Variants in RIMS2 observed in about 807,000 individuals in gnomAD.
The protein encoded by RIMS2 is regulating synaptic membrane exocytosis protein 2.
A neutral mutation model predicts 174.4 loss-of-function variants in RIMS2; 59 were observed. That is an observed-to-expected ratio of 0.34 (90% CI 0.27 to 0.42). RIMS2 has a LOEUF of 0.42. Among genes scored for constraint, RIMS2 ranks in the 10% least tolerant of loss-of-function variants. The pLI, the probability that RIMS2 is intolerant of heterozygous loss-of-function variation, is 1.00. For synonymous variants in RIMS2, 606 were observed against 572.5 expected (o/e 1.06, Z -0.84); for missense variants, 1,620 against 1,666.3 (o/e 0.97, Z 0.48).
chr8:104,093,675 A>C lies in RIMS2; in HGVS notation c.3334+79060A>C, dbSNP rs75585848. On this transcript the variant is annotated intron_variant, in intron 19 of 23. Transcript: ENST00000504942. ...GGATTTCAACAACAAACTTCTCTAAATATGTTTTAGAAGGTCTTTATGTTT... is the reference window on the plus strand; with the variant it reads ...GGATTTCAACAACAAACTTCTCTAACTATGTTTTAGAAGGTCTTTATGTTT... 1.4e-3 allele frequency: 2,227 copies of C among 1,540,004 alleles called. 41 individuals are homozygous for C. In the African/African-American group the frequency reaches 0.027, roughly 19 times the overall value.
At chr8:104,153,010 C>T (rs909459979) in intron 19 of RIMS2, among the ~76,000 whole-genome samples, 3 of 152,024 alleles carry the variant, frequency 2.0e-5, no homozygotes, top group South Asian at 4.1e-4. Flanking sequence ...CTCAGCAAAA[C>T]GGGGTCTTCC....
chr8:103,636,604 TTCATTC>T (rs538943494), intron 1 of RIMS2, among the ~76,000 whole-genome samples: 196 of 152,290 alleles, frequency 1.3e-3, no homozygotes, highest in African/African-American at 4.4e-3. Context: ...CTTGCTTTTC[TTCATTC>T]TCTTTGGGTC....
At chr8:103,963,354 C>T (rs2090791379) in intron 15 of RIMS2, among the ~76,000 whole-genome samples, 1 of 152,234 alleles carries the variant, frequency 6.6e-6, no homozygotes, top group East Asian at 1.9e-4. Context: ...GCAGAGATTT[C>T]TTTCCAATTG....
At chr8:103,831,370 C>T (rs1013405370) in intron 3 of RIMS2, among the ~76,000 whole-genome samples, 7 of 152,062 alleles carry the variant, frequency 4.6e-5, no homozygotes, top group Admixed American at 6.6e-5. Flanking sequence ...TTTCTTTCTG[C>T]GTGGCTAATA....
At chr8:104,191,757 C>A (rs968964574) in intron 19 of RIMS2, among the ~76,000 whole-genome samples, 1 of 151,898 alleles carries the variant, frequency 6.6e-6, no homozygotes, top group Non-Finnish European at 1.5e-5. Flanking sequence ...GAGCAAAATT[C>A]TTTTATTATT....
At chr8:103,642,755 C>T (rs1053190025) in intron 1 of RIMS2, among the ~76,000 whole-genome samples, 1 of 151,484 alleles carries the variant, frequency 6.6e-6, no homozygotes, top group South Asian at 2.1e-4. Flanking sequence ...CTACCTTTTT[C>T]TTTTTTTTAT....
intron 1 of RIMS2, among the ~76,000 whole-genome samples, chr8:103,598,200 C>T (rs544726692): frequency 6.6e-6 from 1 of 152,226 alleles, no homozygotes; most frequent in African/African-American, 2.4e-5. Context: ...TAAATTCCAT[C>T]ACAACTTTTG....
intron 17 of RIMS2, among the ~76,000 whole-genome samples, chr8:103,999,052 T>A (rs183681516): frequency 3.4e-4 from 51 of 151,808 alleles, no homozygotes; most frequent in African/African-American, 1.2e-3. Flanking sequence ...ACATTTGAGA[T>A]CCTTTAGGTA....
intron 3 of RIMS2, among the ~76,000 whole-genome samples, chr8:103,848,735 G>A (rs2098981271): frequency 6.6e-6 from 1 of 151,994 alleles, no homozygotes; most frequent in Non-Finnish European, 1.5e-5. Flanking sequence ...TGGACCAATT[G>A]CGAATCTCTG....
intron 1 of RIMS2, among the ~76,000 whole-genome samples, chr8:103,648,030 T>C (rs2096376981): frequency 6.6e-6 from 1 of 152,098 alleles, no homozygotes; most frequent in Non-Finnish European, 1.5e-5. Context: ...TTTGAGATCT[T>C]TCTAGCTTTT....
chr8:103,696,087 A>G (rs867732543), intron 1 of RIMS2, among the ~76,000 whole-genome samples: 17 of 152,106 alleles, frequency 1.1e-4, no homozygotes, highest in South Asian at 4.2e-4. Flanking sequence ...GAACAATTAC[A>G]CATATGGTAG....
intron 19 of RIMS2, among the ~76,000 whole-genome samples, chr8:104,167,468 T>C (rs1162120225): frequency 6.6e-6 from 1 of 152,210 alleles, no homozygotes; most frequent in African/African-American, 2.4e-5. Flanking sequence ...TGGCTATTTG[T>C]ATATCCTTTT....
intron 19 of RIMS2, among the ~76,000 whole-genome samples, chr8:104,233,066 G>A (rs1464883778): frequency 3.3e-5 from 5 of 152,056 alleles, no homozygotes; most frequent in Non-Finnish European, 7.4e-5. Flanking sequence ...TGTTCATTGA[G>A]CATAAGCAGA....
At chr8:103,753,845 G>T (rs947569354) in intron 2 of RIMS2, among the ~76,000 whole-genome samples, 2 of 152,018 alleles carry the variant, frequency 1.3e-5, no homozygotes, top group African/African-American at 4.8e-5. Flanking sequence ...CTTGCTAGTG[G>T]TCTATCAATT....
chr8:103,906,861 T>G (rs1302627781), intron 4 of RIMS2, among the ~76,000 whole-genome samples: 1 of 152,182 alleles, frequency 6.6e-6, no homozygotes, highest in African/African-American at 2.4e-5. Context: ...CTTAGCTTTT[T>G]GGGCAGCCAT....
At chr8:103,580,054 A>G (rs1263290725) in intron 1 of RIMS2, among the ~76,000 whole-genome samples, 1 of 152,158 alleles carries the variant, frequency 6.6e-6, no homozygotes, top group Non-Finnish European at 1.5e-5. Context: ...GAGAATTACA[A>G]TTCGACATGA....
At chr8:103,513,463 A>AC (rs1827536835) in intron 1 of RIMS2, among the ~76,000 whole-genome samples, 1 of 152,216 alleles carries the variant, frequency 6.6e-6, no homozygotes, top group African/African-American at 2.4e-5. Context: ...GTAAAGGTGT[A>AC]TATACTATAA....
intron 1 of RIMS2, among the ~76,000 whole-genome samples, chr8:103,681,035 A>G (rs1246332597): frequency 6.6e-6 from 1 of 152,076 alleles, no homozygotes; most frequent in Admixed American, 6.6e-5. Flanking sequence ...GTAACGAATT[A>G]TAAAGAGCCA....
At chr8:103,536,414 A>G (rs948188247) in intron 1 of RIMS2, among the ~76,000 whole-genome samples, 1 of 152,180 alleles carries the variant, frequency 6.6e-6, no homozygotes, top group Non-Finnish European at 1.5e-5. Flanking sequence ...TAATCTTAAG[A>G]TGTACATTGG....
Sources: allele counts gnomAD v4.1 joint callset (sites outside exome capture counted in the v4.1 genomes callset), GRCh38; gene constraint gnomAD v4.1.1; transcripts MANE v1.5; gene names NCBI Gene and HGNC (gene_info 2026-07-23, HGNC 2026-07-21).